The following C10orf90 variants were observed in gnomAD, a reference collection of about 807,000 sequenced individuals.
The protein encoded by C10orf90 is (E2-independent) E3 ubiquitin-conjugating enzyme FATS.
C10orf90 carries 56 observed loss-of-function variants against 62.5 expected under a neutral mutation model. The observed-to-expected ratio is 0.90, with a 90% CI of 0.72 to 1.12. The LOEUF is 1.12. C10orf90 is among the 50% of genes most tolerant of loss of function. C10orf90 has a pLI of 0.00. For missense variants in C10orf90, 970 were observed against 880.4 expected (o/e 1.10, Z -1.29); for synonymous variants, 386 against 340.4 (o/e 1.13, Z -1.47).
intron 7 of C10orf90, among the ~76,000 whole-genome samples, chr10:126,432,147 A>T (rs1341587808): frequency 6.6e-6 from 1 of 152,230 alleles, no homozygotes; most frequent in Non-Finnish European, 1.5e-5. Flanking sequence ...GGAAAGAGAC[A>T]TGAGGAAGTG....
chr10:126,489,148 G>A (rs996061037), intron 4 of C10orf90, among the ~76,000 whole-genome samples: 1 of 151,560 alleles, frequency 6.6e-6, no homozygotes, highest in Admixed American at 6.6e-5. Context: ...AATAGAATCC[G>A]GCAATATATT....
intron 3 of C10orf90, among the ~76,000 whole-genome samples, chr10:126,508,158 T>TGAGACAGAGAGAGAGAGA (rs1554903862): frequency 7.6e-6 from 1 of 131,468 alleles, no homozygotes; most frequent in Non-Finnish European, 1.6e-5. Flanking sequence ...AATGAGTGAG[T>TGAGACAGAGAGAGAGAGA]GAGAGAGAGA....
intron 4 of C10orf90, among the ~76,000 whole-genome samples, chr10:126,478,733 C>T (rs1264646283): frequency 1.3e-5 from 2 of 152,026 alleles, no homozygotes; most frequent in Non-Finnish European, 2.9e-5. Context: ...CAAACCAAAG[C>T]GTGCTGGGGG....
At chr10:126,487,417 G>T (rs1157162430) in intron 4 of C10orf90, among the ~76,000 whole-genome samples, 1 of 152,056 alleles carries the variant, frequency 6.6e-6, no homozygotes, top group Non-Finnish European at 1.5e-5. Context: ...GCCAGAAGAG[G>T]TATGAAGGTA....
chr10:126,647,351 G>C (rs1162549062), intron 1 of C10orf90, among the ~76,000 whole-genome samples: 1 of 152,156 alleles, frequency 6.6e-6, no homozygotes, highest in Admixed American at 6.5e-5. Context: ...TGACTTGAAG[G>C]GGCAACACAG....
chr10:126,461,611 T>C (rs749117125), intron 5 of C10orf90, 26 bp from the exon 6 acceptor site: 7 of 1,600,364 alleles, frequency 4.4e-6, no homozygotes, highest in Non-Finnish European at 8.5e-7. Context: ...TAGAATCCCA[T>C]TTAGAGGGCA....
At chr10:126,496,808 T>A in intron 4 of C10orf90, 1 of 699,300 alleles carries the variant, frequency 1.4e-6, no homozygotes, top group Non-Finnish European at 1.8e-6. Context: ...GTCATCAACG[T>A]AACCTGTCCT....
intron 7 of C10orf90, among the ~76,000 whole-genome samples, chr10:126,431,904 G>C (rs1857595018): frequency 6.6e-6 from 1 of 152,016 alleles, no homozygotes; most frequent in Non-Finnish European, 1.5e-5. Context: ...CTCCACTCTT[G>C]TGTTTCCTCA....
At chr10:126,475,481 C>A (rs1428362840) in intron 4 of C10orf90, among the ~76,000 whole-genome samples, 1 of 152,228 alleles carries the variant, frequency 6.6e-6, no homozygotes, top group Non-Finnish European at 1.5e-5. Flanking sequence ...CTCACCACAG[C>A]CTCCTGCTCA....
chr10:126,665,999 G>A (rs752548422), intron 1 of C10orf90, among the ~76,000 whole-genome samples: 1 of 152,160 alleles, frequency 6.6e-6, no homozygotes, highest in Non-Finnish European at 1.5e-5. Flanking sequence ...GCCAGCCCAG[G>A]TACAAACACC....
chr10:126,437,573 ATAAAGACTACTCAGTTAAATT>A (rs1365620001), intron 7 of C10orf90, among the ~76,000 whole-genome samples: 1 of 152,228 alleles, frequency 6.6e-6, no homozygotes, highest in Non-Finnish European at 1.5e-5. Context: ...GCCAGATAAA[ATAAAGACTACTCAGTTAAATT>A]TGCCTTTCAG....
chr10:126,544,881 T>C (rs538725819), intron 2 of C10orf90, among the ~76,000 whole-genome samples: 29 of 152,192 alleles, frequency 1.9e-4, no homozygotes, highest in African/African-American at 7.0e-4. Flanking sequence ...TTTTCACTAC[T>C]ATTCCCCTTC....
intron 4 of C10orf90, among the ~76,000 whole-genome samples, chr10:126,483,922 G>A (rs1861290898): frequency 6.6e-6 from 1 of 152,092 alleles, no homozygotes; most frequent in Non-Finnish European, 1.5e-5. Context: ...CTTCCACCCT[G>A]GGATGCACTT....
intron 1 of C10orf90, among the ~76,000 whole-genome samples, chr10:126,648,539 T>C (rs984133492): frequency 2.0e-5 from 3 of 152,280 alleles, no homozygotes; most frequent in Admixed American, 6.5e-5. Context: ...TACTTCTATA[T>C]ATCTTTTTCT....
At position 126,513,910 on chromosome 10, in the gene C10orf90, C is replaced by A. The variant is rs1863283262; in HGVS notation, c.343G>T (p.Asp115Tyr). ...GLRDSYHSRRDQIALKNLQSD... is the reference protein window; with the variant it reads ...GLRDSYHSRRYQIALKNLQSD... ...TGGAGATTTTTAAGGGCAATTTGAT[C>A]TCTTCTACTGTGGTAGCTGTCCCGT... The change falls in exon 3 of 10, where the codon GAT (aspartate) becomes TAT (tyrosine). Residue 115 changes from aspartate (D) to tyrosine (Y), a missense_variant. By Grantham distance (160) the Asp-to-Tyr change is radical (BLOSUM62 -3). Transcript: ENST00000488181. 1 of 1,613,294 alleles carries A rather than the reference C, an allele frequency of 6.2e-7. No individual in the cohort carries two copies. Among genetic ancestry groups the A allele is most frequent in the African/African-American group, 1.3e-5 (1 of 75,006 alleles).
intron 1 of C10orf90, among the ~76,000 whole-genome samples, chr10:126,669,383 G>A (rs551079486): frequency 1.4e-4 from 22 of 152,158 alleles, no homozygotes; most frequent in Admixed American, 7.2e-4. Context: ...AAGACCTGGC[G>A]TATTTGCCAG....
At chr10:126,632,979 G>A (rs773976513) in intron 2 of C10orf90, among the ~76,000 whole-genome samples, 5 of 152,160 alleles carry the variant, frequency 3.3e-5, no homozygotes, top group African/African-American at 4.8e-5. Flanking sequence ...CCACTGAGTT[G>A]GAAGATGCTT....
At chr10:126,649,045 T>C (rs1288461199) in intron 1 of C10orf90, among the ~76,000 whole-genome samples, 1 of 47,176 alleles carries the variant, frequency 2.1e-5, no homozygotes, top group African/African-American at 1.0e-4. Flanking sequence ...TCTCTCTCTC[T>C]CTCTCTCTCT....
rs558374719 is a variant in C10orf90, at chr10:126,532,829, C to T, written c.314-18890G>A. On this transcript the variant is annotated intron_variant, in intron 2 of 9. Coordinates refer to ENST00000488181, the MANE Select transcript of C10orf90 (RefSeq NM_001350921.2). Reference sequence around the variant, plus strand: ...TCCAGCTCCAGTCTGGGCAACAGAGCGAGACTACGTCTCAAAAAAAAAAAA... The same window carrying T: ...TCCAGCTCCAGTCTGGGCAACAGAGTGAGACTACGTCTCAAAAAAAAAAAA... 9.5e-4 allele frequency among the ~76,000 whole-genome samples: 4 copies of T among 4,218 alleles called. No homozygotes were observed. The East Asian group carries it at 0.015, about 16-fold the overall frequency. 2.8% of individuals were successfully genotyped at this position (4,218 alleles called of 152,430 possible). A position where few individuals can be genotyped will look rare whatever the true frequency, so the allele number is the denominator to read the frequency against.
Sources: allele counts gnomAD v4.1 joint callset (sites outside exome capture counted in the v4.1 genomes callset), GRCh38; gene constraint gnomAD v4.1.1; transcripts MANE v1.5; gene names NCBI Gene and HGNC (gene_info 2026-07-23, HGNC 2026-07-21).